The following ASMTL variants were observed in gnomAD, a reference collection of about 807,000 sequenced individuals.
ASMTL encodes the protein probable bifunctional dTTP/UTP pyrophosphatase/methyltransferase protein.
Under a neutral mutation model 60.3 loss-of-function variants are expected in ASMTL, and 57 were observed. That is an observed-to-expected ratio of 0.95 (90% confidence interval 0.76 to 1.18). ASMTL has a LOEUF of 1.18. Ranked by LOEUF, ASMTL falls within the 50% of genes most tolerant of loss-of-function variation. The pLI is 0.00. For synonymous variants in ASMTL, 419 were observed against 373.0 expected (o/e 1.12, Z -1.42); for missense variants, 981 against 852.6 (o/e 1.15, Z -1.88).
chrX:1,412,614 C>T (rs1374860548), intron 12 of ASMTL, 118 bp downstream of exon 12: 57 of 1,387,086 alleles, frequency 4.1e-5, no homozygotes, highest in Admixed American at 7.0e-5. Context: ...CCGCCCGCCT[C>T]GGCCTCCCAA....
At chrX:1,417,286 C>G (rs763016500) in intron 11 of ASMTL, among the ~76,000 whole-genome samples, 1 of 94,474 alleles carries the variant, frequency 1.1e-5, no homozygotes, top group South Asian at 4.6e-4. Flanking sequence ...CACACAAATG[C>G]AGACACAGAC....
At chrX:1,435,535 C>T (rs1186991571) in intron 4 of ASMTL, 159 bp downstream of exon 4, 2 of 693,240 alleles carry the variant, frequency 2.9e-6, no homozygotes, top group African/African-American at 3.9e-5. Flanking sequence ...GGGATAGTGC[C>T]TGCCTCCCTG....
chrX:1,432,246 C>T (rs761429777), intron 6 of ASMTL, 23 bp downstream of exon 6: 18 of 1,577,284 alleles, frequency 1.1e-5, no homozygotes, highest in Non-Finnish European at 1.4e-5. Flanking sequence ...GTCCCCCGTC[C>T]CCCCACCGCC....
intron 12 of ASMTL, among the ~76,000 whole-genome samples, chrX:1,406,240 G>A (rs1391419861): frequency 6.6e-6 from 1 of 150,448 alleles, no homozygotes; most frequent in Non-Finnish European, 1.5e-5. Context: ...GGTAGATGAT[G>A]GGTAGGTAGG....
intron 5 of ASMTL, 103 bp downstream of exon 5, chrX:1,434,919 G>A (rs2090920062): frequency 1.6e-6 from 2 of 1,244,096 alleles, no homozygotes; most frequent in East Asian, 2.4e-5. Flanking sequence ...CTCCACAGGT[G>A]GGGGTGAGCA....
chrX:1,412,207 C>T (rs190407346), intron 12 of ASMTL, among the ~76,000 whole-genome samples: 2 of 152,176 alleles, frequency 1.3e-5, no homozygotes, highest in African/African-American at 2.4e-5. Context: ...TCCAAAGTCA[C>T]ATAAGCCAAT....
At chrX:1,403,628 C>A in intron 12 of ASMTL, 139 bp from the exon 13 acceptor site, 1 of 711,128 alleles carries the variant, frequency 1.4e-6, no homozygotes, top group South Asian at 1.6e-5. Flanking sequence ...GGGGCCCACA[C>A]AGGTAGGGGA....
intron 12 of ASMTL, among the ~76,000 whole-genome samples, chrX:1,405,204 A>AGGTG (rs2089767371): frequency 8.1e-6 from 1 of 122,844 alleles, no homozygotes; most frequent in African/African-American, 2.9e-5. Context: ...ATGGGTACGT[A>AGGTG]GATAGATGAA....
At chrX:1,419,705 C>T (rs2090421226) in intron 9 of ASMTL, among the ~76,000 whole-genome samples, 1 of 152,184 alleles carries the variant, frequency 6.6e-6, no homozygotes, top group African/African-American at 2.4e-5. Context: ...GCAAGCCCAG[C>T]TGAGGATGCT....
intron 1 of ASMTL, among the ~76,000 whole-genome samples, chrX:1,450,989 TC>T (rs2091359693): frequency 1.9e-5 from 2 of 105,008 alleles, no homozygotes; most frequent in Non-Finnish European, 4.0e-5. Context: ...TATTCTCCCC[TC>T]CCCCATCCCT....
chrX:1,429,337 C>G lies in ASMTL; in HGVS notation c.510-1216G>C, dbSNP rs191562134. On this transcript the variant is annotated intron_variant, in intron 6 of 12. Transcript: ENST00000381317. Reference sequence around the variant, plus strand: ...TCAAATGATGCTGTAATCTCAGCCTCCCACGTAGCAGGGACACACTCAGCT... The same window carrying G: ...TCAAATGATGCTGTAATCTCAGCCTGCCACGTAGCAGGGACACACTCAGCT... 7.0e-4 allele frequency among the ~76,000 whole-genome samples: 106 copies of G among 151,978 alleles called. 3 individuals carry two copies. The East Asian group carries it at 0.018, about 26-fold the overall frequency.
chrX:1,436,063 G>A (rs1160969885), intron 3 of ASMTL, among the ~76,000 whole-genome samples: 6 of 152,118 alleles, frequency 3.9e-5, no homozygotes, highest in Admixed American at 2.6e-4. Flanking sequence ...TGCCTGTTGC[G>A]GACGTGGTGT....
chrX:1,437,612 C>A (rs1238212223), intron 3 of ASMTL, among the ~76,000 whole-genome samples: 3 of 152,104 alleles, frequency 2.0e-5, no homozygotes, highest in Admixed American at 2.0e-4. Context: ...GAACAAAAGA[C>A]ATGGGCCGGG....
chrX:1,417,504 C>T (rs1350465795), intron 11 of ASMTL, among the ~76,000 whole-genome samples: 1 of 96,750 alleles, frequency 1.0e-5, no homozygotes, highest in Non-Finnish European at 2.5e-5. Context: ...ACCATGCACA[C>T]AGATACAGAC....
rs1339609285 is a variant in ASMTL, at chrX:1,434,434, G to A, written c.400+588C>T. ...GAGCTCAGGAGGTCGAGGCTGCAGT[G>A]AGCTATGATCACACCACTGCACTCC... On this transcript the variant is annotated intron_variant, in intron 5 of 12. Coordinates refer to ENST00000381317, the MANE Select transcript of ASMTL (RefSeq NM_004192.4). 2.0e-5 allele frequency among the ~76,000 whole-genome samples: 3 copies of A among 150,816 alleles called. No homozygotes were observed. The Admixed American group carries it at 2.0e-4, about 10-fold the overall frequency.
chrX:1,452,968 G>C (rs1448375205), upstream of ASMTL: 4 of 678,138 alleles, frequency 5.9e-6, no homozygotes, highest in Admixed American at 3.7e-5. Flanking sequence ...GCCCGCCTCC[G>C]CGAGGCCACG....
intron 11 of ASMTL, among the ~76,000 whole-genome samples, chrX:1,413,323 T>C (rs1462076557): frequency 1.3e-5 from 2 of 151,426 alleles, no homozygotes; most frequent in South Asian, 2.1e-4. Context: ...GATCGCGCCA[T>C]CGCACTCCAG....
At chrX:1,430,601 T>C (rs1440771651) in intron 6 of ASMTL, among the ~76,000 whole-genome samples, 16 of 151,714 alleles carry the variant, frequency 1.1e-4, no homozygotes, top group African/African-American at 3.9e-4. Flanking sequence ...TGAGACCCCA[T>C]TGCTACAAAA....
In ASMTL at chrX:1,449,781, AT is replaced by A. The variant is rs781232301; in HGVS notation, c.93+2966del. Among the ~76,000 whole-genome samples, 612 of 135,810 alleles carry A rather than the reference AT, an allele frequency of 4.5e-3. 1 individual carries two copies. The highest frequency in any genetic ancestry group is 0.019 in the African/African-American group (587 of 31,294). The allele number at this position is 135,810 out of a possible 152,430, so 89.1% of individuals were successfully genotyped here. On this transcript the variant is annotated intron_variant, in intron 1 of 12. Transcript: ENST00000381317. The stretch of plus-strand genomic sequence containing the variant: ...CTATGCCCCATCATCACCAGTAACT[AT>A]CCCCCCATCACCAGTAACTATCTCC...
Sources: gnomAD v4.1 joint callset for allele counts (sites outside exome capture counted in the v4.1 genomes callset) on GRCh38, gnomAD v4.1.1 for gene constraint, MANE v1.5 for transcripts, NCBI Gene and HGNC (gene_info 2026-07-23, HGNC 2026-07-21) for gene names.